BRINP1: variants seen among roughly 807,000 people sequenced by gnomAD.
BRINP1 encodes the protein BMP/retinoic acid-inducible neural-specific protein 1.
In BRINP1, 17 loss-of-function variants were observed where a neutral mutation model predicts 72.9. The ratio of observed to expected loss-of-function variants is 0.23; its 90% CI spans 0.16 to 0.35. The LOEUF (loss-of-function observed/expected upper bound fraction) is 0.35, where lower values mean the gene tolerates loss of function less well. BRINP1 is among the 10% of genes least tolerant of loss of function. The pLI, the probability that BRINP1 is intolerant of heterozygous loss-of-function variation, is 1.00. For missense variants in BRINP1, 850 were observed against 1,001.6 expected (o/e 0.85, Z 2.04); for synonymous variants, 418 against 378.5 (o/e 1.10, Z -1.21).
At chr9:119,238,135 TG>T (rs1179158970) in intron 5 of BRINP1, among the ~76,000 whole-genome samples, 1 of 152,088 alleles carries the variant, frequency 6.6e-6, no homozygotes, top group Non-Finnish European at 1.5e-5. Flanking sequence ...AGTCTTCACA[TG>T]TGAAAAATTA....
At chr9:119,329,944 T>C (rs1440161704) in intron 1 of BRINP1, among the ~76,000 whole-genome samples, 1 of 152,204 alleles carries the variant, frequency 6.6e-6, no homozygotes, top group Non-Finnish European at 1.5e-5. Context: ...AATGTTCTAC[T>C]TGGATGAGAA....
chr9:119,264,345 G>T (rs923770251), intron 2 of BRINP1, among the ~76,000 whole-genome samples: 1 of 152,216 alleles, frequency 6.6e-6, no homozygotes, highest in African/African-American at 2.4e-5. Flanking sequence ...TGGTCCCCCT[G>T]ATTCTACCTT....
intron 1 of BRINP1, among the ~76,000 whole-genome samples, chr9:119,330,105 G>A (rs1831284073): frequency 6.6e-6 from 1 of 152,162 alleles, no homozygotes; most frequent in African/African-American, 2.4e-5. Flanking sequence ...ACATATTACA[G>A]AGGGTGCCAA....
chr9:119,262,831 C>T (rs573815709), intron 2 of BRINP1, among the ~76,000 whole-genome samples: 36 of 152,080 alleles, frequency 2.4e-4, no homozygotes, highest in Admixed American at 8.5e-4. Context: ...GGATTAGTGG[C>T]CTTCATGCTT....
intron 2 of BRINP1, among the ~76,000 whole-genome samples, chr9:119,309,544 TAA>T (rs1831040019): frequency 6.6e-6 from 1 of 152,114 alleles, no homozygotes; most frequent in South Asian, 2.1e-4. Context: ...AAAGTGAAAA[TAA>T]GTTACTTTGT....
At chr9:119,174,626 C>T (rs1393097320) in intron 7 of BRINP1, among the ~76,000 whole-genome samples, 1 of 146,438 alleles carries the variant, frequency 6.8e-6, no homozygotes, top group African/African-American at 2.6e-5. Context: ...GGTATATACC[C>T]AAAGGATTAT....
At chr9:119,364,323 T>G (rs965300069) in intron 1 of BRINP1, among the ~76,000 whole-genome samples, 2 of 152,142 alleles carry the variant, frequency 1.3e-5, no homozygotes, top group Non-Finnish European at 2.9e-5. Flanking sequence ...AAATATGACA[T>G]AGGCTGGTTT....
rs373900703 is a variant in BRINP1 at position 119,238,695 on chromosome 9, G to A, written c.645C>T (p.Ser215=). The part of the protein sequence containing the change: ...NSYDNLDSVS[S]VLLQSTESKL... ...TGCTCTCCGTGCTTTGCAGAAGGAC[G>A]GAACTCACAGAGTCCAGATTGTCAT... Residue 215 remains serine, a synonymous_variant, in exon 5 of 8, where the codon TCC becomes TCT. Transcript: ENST00000265922. 54 of 1,612,188 alleles carry A rather than the reference G, an allele frequency of 3.3e-5. No individual in the cohort carries two copies. The highest frequency in any genetic ancestry group is 1.3e-4 in the Admixed American group (8 of 59,532).
intron 2 of BRINP1, among the ~76,000 whole-genome samples, chr9:119,303,305 C>G (rs1191418826): frequency 6.7e-6 from 1 of 149,222 alleles, no homozygotes; most frequent in Non-Finnish European, 1.5e-5. Flanking sequence ...CACACACACA[C>G]ACACACACAC....
At chr9:119,232,198 A>G (rs536898170) in intron 5 of BRINP1, among the ~76,000 whole-genome samples, 2 of 152,090 alleles carry the variant, frequency 1.3e-5, no homozygotes, top group African/African-American at 4.8e-5. Flanking sequence ...TTCATTACCA[A>G]ATCATGTCAG....
chr9:119,258,699 C>T (rs185948979), intron 2 of BRINP1, among the ~76,000 whole-genome samples: 14 of 152,262 alleles, frequency 9.2e-5, no homozygotes, highest in Admixed American at 6.5e-4. Flanking sequence ...CCTTAGATTC[C>T]GTGTTCTCTA....
chr9:119,238,991 G>T (rs1046993124), intron 4 of BRINP1, among the ~76,000 whole-genome samples: 15 of 152,172 alleles, frequency 9.9e-5, no homozygotes, highest in Non-Finnish European at 2.1e-4. Flanking sequence ...CCTACCACTG[G>T]TTCTCACTTC....
chr9:119,225,770 G>C (rs1830084169), intron 5 of BRINP1, among the ~76,000 whole-genome samples: 1 of 151,820 alleles, frequency 6.6e-6, no homozygotes, highest in Admixed American at 6.6e-5. Flanking sequence ...AGTTTGTTTT[G>C]GGGGTTGTGT....
chr9:119,353,438 C>T, intron 1 of BRINP1, among the ~76,000 whole-genome samples: 1 of 152,280 alleles, frequency 6.6e-6, no homozygotes, highest in South Asian at 2.1e-4. Flanking sequence ...AGATGAGGAA[C>T]CTGAGGCTGA....
At chr9:119,259,591 T>C (rs1463502372) in intron 2 of BRINP1, among the ~76,000 whole-genome samples, 1 of 152,178 alleles carries the variant, frequency 6.6e-6, no homozygotes, top group Non-Finnish European at 1.5e-5. Context: ...CATAACTAAA[T>C]ATAGATTAAT....
At chr9:119,231,724 T>G (rs912405278) in intron 5 of BRINP1, among the ~76,000 whole-genome samples, 2 of 152,110 alleles carry the variant, frequency 1.3e-5, no homozygotes, top group African/African-American at 4.8e-5. Flanking sequence ...AAAACTTTCC[T>G]TATATAACAT....
chr9:119,313,173 G>T lies in BRINP1; in HGVS notation c.183C>A (p.His61Gln). Residue 61 changes from histidine (H) to glutamine (Q), a missense_variant, in exon 2 of 8, where the codon CAC (histidine) becomes CAA (glutamine). By Grantham distance (24) the His-to-Gln change is conservative. Coordinates refer to ENST00000265922, the MANE Select transcript of BRINP1 (RefSeq NM_014618.3). ...TATATCTGGTTGTAAATCCTTGACG[G>T]TGTCTTTCCACAAAGGATAGGTAGC... ...SRSYLSFVER[H>Q]RQGFTTRYKI... 6.2e-7 allele frequency: 1 copy of T among 1,614,086 alleles called. No individual in the cohort carries two copies. Among genetic ancestry groups the T allele is most frequent in the Non-Finnish European group, 8.5e-7 (1 of 1,180,002 alleles).
intron 7 of BRINP1, among the ~76,000 whole-genome samples, chr9:119,179,610 C>T (rs1829530470): frequency 6.6e-6 from 1 of 152,164 alleles, no homozygotes; most frequent in African/African-American, 2.4e-5. Context: ...GCAGTTACCA[C>T]TTTATCCTCA....
At chr9:119,174,247 A>G (rs1353941873) in intron 7 of BRINP1, among the ~76,000 whole-genome samples, 3 of 150,536 alleles carry the variant, frequency 2.0e-5, no homozygotes, top group Non-Finnish European at 1.5e-5. Flanking sequence ...CAGAATCTAC[A>G]ATGAACTCAA....
Sources: gnomAD v4.1 joint callset for allele counts (sites outside exome capture counted in the v4.1 genomes callset) on GRCh38, gnomAD v4.1.1 for gene constraint, MANE v1.5 for transcripts, NCBI Gene and HGNC (gene_info 2026-07-23, HGNC 2026-07-21) for gene names.